MYO18B: variants seen among roughly 807,000 people sequenced by gnomAD.
The protein encoded by MYO18B is myosin XVIIIB.
MYO18B carries 204 observed loss-of-function variants against 273.0 expected under a neutral mutation model. The ratio of observed to expected loss-of-function variants is 0.75; its 90% CI spans 0.67 to 0.84. The LOEUF is 0.84. Ranked by LOEUF, MYO18B falls within the 40% of genes least tolerant of loss-of-function variation. MYO18B has a pLI of 0.00. For synonymous variants in MYO18B, 1,330 were observed against 1,305.7 expected, an observed-to-expected ratio of 1.02 and a Z score of -0.40; for missense variants, 3,212 against 3,287.6, an observed-to-expected ratio of 0.98 and a Z score of 0.56.
chr22:26,027,396 C>G lies in MYO18B; in HGVS notation c.7422C>G (p.His2474Gln). ...GQDGSQRSSI[H>Q]FETEEANRSF... ...ACGGTTCACAGCGTTCAAGCATCCACTTTGAAACGGAAGAGGCTAACCGTT... is the reference window on the plus strand; with the variant it reads ...ACGGTTCACAGCGTTCAAGCATCCAGTTTGAAACGGAAGAGGCTAACCGTT... The change falls in exon 43 of 44, where the codon CAC becomes CAG. Residue 2474 changes from histidine to glutamine, a missense_variant. His to Gln is a conservative substitution (Grantham distance 24). Transcript: ENST00000335473. This position sits in a 1 kb window ranked among gnomAD's most constrained non-coding sequence, Gnocchi z 4.1. The G allele has an allele frequency of 6.2e-7, 1 of 1,614,018 alleles. No homozygotes were observed. The highest frequency in any genetic ancestry group is 8.5e-7 in the Non-Finnish European group (1 of 1,179,898).
intron 12 of MYO18B, among the ~76,000 whole-genome samples, chr22:25,799,567 G>A (rs1247608155): frequency 4.6e-5 from 7 of 152,192 alleles, no homozygotes; most frequent in Admixed American, 4.6e-4. Context: ...GTGAATTGAG[G>A]TCTGTCCTGG....
At chr22:25,829,704 G>T (rs2089636698) in intron 15 of MYO18B, among the ~76,000 whole-genome samples, 1 of 151,958 alleles carries the variant, frequency 6.6e-6, no homozygotes, top group Non-Finnish European at 1.5e-5. Flanking sequence ...CAGACTCAGT[G>T]GCGCACGCCC....
At chr22:25,829,387 G>A (rs1007973235) in intron 15 of MYO18B, among the ~76,000 whole-genome samples, 2 of 152,238 alleles carry the variant, frequency 1.3e-5, no homozygotes, top group African/African-American at 4.8e-5. Flanking sequence ...AGCACAGCAC[G>A]GTGAGTCTCA....
chr22:25,772,932 A>C (rs1215156814), intron 7 of MYO18B, among the ~76,000 whole-genome samples: 1 of 152,310 alleles, frequency 6.6e-6, no homozygotes, highest in East Asian at 1.9e-4. Context: ...TCTAGCGAGC[A>C]GAGTTGCTGG....
At chr22:25,748,586 C>T (rs1370721808) in intron 1 of MYO18B, among the ~76,000 whole-genome samples, 3 of 152,176 alleles carry the variant, frequency 2.0e-5, no homozygotes, top group Non-Finnish European at 4.4e-5. Context: ...GTAAAGGCCC[C>T]AGGTTCTGAT....
intron 12 of MYO18B, among the ~76,000 whole-genome samples, chr22:25,805,587 C>T (rs1002007114): frequency 6.6e-6 from 1 of 152,176 alleles, no homozygotes; most frequent in Non-Finnish European, 1.5e-5. Context: ...CCTTTCTACC[C>T]CGATCTGTTC....
At chr22:25,905,054 T>TA (rs1398916042) in intron 31 of MYO18B, among the ~76,000 whole-genome samples, 22 of 149,790 alleles carry the variant, frequency 1.5e-4, no homozygotes, top group African/African-American at 4.3e-4. Context: ...AGTGTTTTTT[T>TA]TAAAAAAAAT....
At chr22:25,979,966 G>C (rs939203939) in intron 39 of MYO18B, among the ~76,000 whole-genome samples, 5 of 152,100 alleles carry the variant, frequency 3.3e-5, no homozygotes, top group Admixed American at 2.6e-4. Context: ...AGTCCCTGGC[G>C]CTATGATTAC....
At chr22:25,793,904 A>G (rs2087787288) in intron 11 of MYO18B, among the ~76,000 whole-genome samples, 1 of 152,030 alleles carries the variant, frequency 6.6e-6, no homozygotes, top group African/African-American at 2.4e-5. Context: ...GTACAACTCG[A>G]TGTTTATATT....
chr22:25,783,540 A>G (rs2087251600), intron 10 of MYO18B, among the ~76,000 whole-genome samples: 1 of 152,168 alleles, frequency 6.6e-6, no homozygotes. Context: ...GGAGTTCCAC[A>G]CTGGGGCTCT....
the MYO18B span, among the ~76,000 whole-genome samples, chr22:26,053,052 C>T: frequency 4.6e-5 from 7 of 152,072 alleles, no homozygotes; most frequent in Non-Finnish European, 8.8e-5. Flanking sequence ...CGTGATCCAC[C>T]CGCCTCGAAC....
chr22:26,060,775 T>G, the MYO18B span, among the ~76,000 whole-genome samples: 3 of 145,710 alleles, frequency 2.1e-5, no homozygotes, highest in Non-Finnish European at 4.4e-5. Flanking sequence ...CATGCATACA[T>G]TTATACATAT....
chr22:26,043,511 C>CTTTTTTTTTTTTT, the MYO18B span, among the ~76,000 whole-genome samples: 3 of 122,988 alleles, frequency 2.4e-5, no homozygotes, highest in Admixed American at 8.4e-5. Flanking sequence ...TTTTTTCTTT[C>CTTTTTTTTTTTTT]TTTTTTTTTT....
intron 39 of MYO18B, among the ~76,000 whole-genome samples, chr22:25,977,308 T>G (rs1304824537): frequency 6.6e-6 from 1 of 151,524 alleles, no homozygotes; most frequent in Non-Finnish European, 1.5e-5. Flanking sequence ...TGTATTTGTA[T>G]TTGTATTTGT....
At chr22:25,827,725 G>A (rs893074703) in intron 14 of MYO18B, among the ~76,000 whole-genome samples, 4 of 152,176 alleles carry the variant, frequency 2.6e-5, no homozygotes, top group African/African-American at 9.7e-5. Flanking sequence ...AAACCAAGGG[G>A]ATCATGCGTG....
intron 39 of MYO18B, chr22:25,959,016 C>G (rs2092886814): frequency 1.3e-5 from 2 of 152,202 alleles, no homozygotes; most frequent in African/African-American, 4.8e-5. Flanking sequence ...CCTTTGCCCC[C>G]CAGGAGCTCA....
In MYO18B at chr22:25,883,725, A is replaced by G. The variant is rs1321925572; in HGVS notation, c.4314+5677A>G. On this transcript the variant is annotated intron_variant, in intron 25 of 43. Transcript: ENST00000335473. This position sits in a 1 kb window ranked among gnomAD's most constrained non-coding sequence, Gnocchi z 7.6. ...TCTGGAGGGGGAGAAACAGTAATATAAACATTGCTAAAACGTGTCGTGTCT... is the reference window on the plus strand; with the variant it reads ...TCTGGAGGGGGAGAAACAGTAATATGAACATTGCTAAAACGTGTCGTGTCT... 6.6e-6 allele frequency: 1 copy of G among 152,174 alleles called. No homozygotes were observed. The highest frequency in any genetic ancestry group is 2.4e-5 in the African/African-American group (1 of 41,440). 9.4% of individuals were successfully genotyped at this position (152,174 alleles called of 1,614,324 possible). A position where few individuals can be genotyped will look rare whatever the true frequency, so the allele number is the denominator to read the frequency against.
At chr22:25,829,045 C>T (rs2089604501) in intron 15 of MYO18B, 77 bp downstream of exon 15, 4 of 1,492,478 alleles carry the variant, frequency 2.7e-6, no homozygotes, top group Admixed American at 1.9e-5. Flanking sequence ...GGTGGGATTC[C>T]CATTCCCCAG....
chr22:25,814,110 C>T (rs893117622), intron 12 of MYO18B, among the ~76,000 whole-genome samples: 2 of 152,096 alleles, frequency 1.3e-5, no homozygotes, highest in African/African-American at 2.4e-5. Flanking sequence ...GGTAGTCCCA[C>T]ACCTTGGGAA....
Sources: gnomAD v4.1 joint callset for allele counts (sites outside exome capture counted in the v4.1 genomes callset) on GRCh38, gnomAD v4.1.1 for gene constraint, Gnocchi (gnomAD v3.1) non-coding constraint, MANE v1.5 for transcripts, NCBI Gene and HGNC (gene_info 2026-07-23, HGNC 2026-07-21) for gene names.